Variants in XIRP2 observed in about 807,000 individuals in gnomAD.
XIRP2 encodes the protein xin actin binding repeat containing 2.
A neutral mutation model predicts 277.0 loss-of-function variants in XIRP2; 236 were observed. The observed-to-expected ratio is 0.85, with a 90% CI of 0.77 to 0.95. The LOEUF (loss-of-function observed/expected upper bound fraction) is 0.95, where lower values mean the gene tolerates loss of function less well. Ranked by LOEUF, XIRP2 falls within the 40% of genes least tolerant of loss-of-function variation. The probability of loss-of-function intolerance (pLI) is 0.00; values close to 1 mark genes in which losing one functional copy is unlikely to be tolerated. For synonymous variants in XIRP2, 1,490 were observed against 1,416.5 expected (o/e 1.05, Z -1.17); for missense variants, 4,640 against 4,157.5 (o/e 1.12, Z -3.19).
At position 167,246,215 on chromosome 2, in the gene XIRP2, T is replaced by C; in HGVS notation, c.4823T>C (p.Ile1608Thr). The change falls in exon 9 of 11, where the codon ATA (isoleucine) becomes ACA (threonine). Residue 1608 changes from isoleucine to threonine, a missense_variant. Coordinates refer to ENST00000409195, the MANE Select transcript of XIRP2 (RefSeq NM_152381.6). The part of the protein sequence containing the change: ...EEIIRADLRN[I>T]MVNLLSKRDC... ...ATTATCAGGGCTGATCTCAGAAATA[T>C]AATGGTGAACCTACTTTCCAAAAGG... 1 of 1,613,236 alleles carries C rather than the reference T, an allele frequency of 6.2e-7. No individual in the cohort carries two copies.
chr2:167,248,794 G>T lies in XIRP2; in HGVS notation c.7402G>T (p.Val2468Leu), dbSNP rs540282598. 6.2e-7 allele frequency: 1 copy of T among 1,613,660 alleles called. No individual in the cohort carries two copies. The highest frequency in any genetic ancestry group is 1.1e-5 in the South Asian group (1 of 91,064). Residue 2468 changes from valine to leucine, a missense_variant, in exon 9 of 11, where the codon GTG becomes TTG. Coordinates refer to ENST00000409195, the MANE Select transcript of XIRP2 (RefSeq NM_152381.6). ...CTCAAAGGATCAGAAAAAAGTAATGGTGATGACCAGCAGTGAACACACGGA... is the reference window on the plus strand; with the variant it reads ...CTCAAAGGATCAGAAAAAAGTAATGTTGATGACCAGCAGTGAACACACGGA... ...TTSKDQKKVM[V>L]MTSSEHTETK... is the part of the protein sequence containing the mutation.
intron 5 of XIRP2, among the ~76,000 whole-genome samples, chr2:167,228,277 C>T (rs937622086): frequency 1.3e-5 from 2 of 152,146 alleles, no homozygotes; most frequent in Non-Finnish European, 2.9e-5. Flanking sequence ...AAGTTTCAGT[C>T]ACAGTCCCTT....
chr2:167,213,116 G>T (rs753248177), intron 4 of XIRP2, among the ~76,000 whole-genome samples: 2 of 152,092 alleles, frequency 1.3e-5, no homozygotes, highest in African/African-American at 2.4e-5. Flanking sequence ...ATGGCATTTG[G>T]TTGTATCTAA....
intron 2 of XIRP2, among the ~76,000 whole-genome samples, chr2:167,051,141 A>G (rs142709122): frequency 6.6e-5 from 10 of 152,060 alleles, no homozygotes; most frequent in East Asian, 1.9e-4. Context: ...CCCAATCCAA[A>G]TATCATTTCT....
At chr2:166,928,440 A>G (rs1685244883) in intron 2 of XIRP2, among the ~76,000 whole-genome samples, 1 of 152,062 alleles carries the variant, frequency 6.6e-6, no homozygotes, top group African/African-American at 2.4e-5. Flanking sequence ...TTTTCATTGA[A>G]CCATTTAATT....
At chr2:166,944,886 A>T (rs1332120028) in intron 2 of XIRP2, among the ~76,000 whole-genome samples, 3 of 152,164 alleles carry the variant, frequency 2.0e-5, no homozygotes, top group African/African-American at 7.2e-5. Flanking sequence ...TATAGAGATC[A>T]TGTACCGAAT....
intron 2 of XIRP2, among the ~76,000 whole-genome samples, chr2:166,943,905 T>C (rs1451719610): frequency 2.0e-5 from 3 of 152,222 alleles, no homozygotes; most frequent in African/African-American, 7.2e-5. Flanking sequence ...TGATTTCATG[T>C]CTGCTTCAAT....
chr2:167,258,093 C>T lies in XIRP2; in HGVS notation c.*276C>T. The T allele has an allele frequency of 1.2e-6, 2 of 1,613,020 alleles. No homozygotes were observed. The highest frequency in any genetic ancestry group is 1.7e-6 in the Non-Finnish European group (2 of 1,179,524). ...GGAGATCGTAATGAACATTTAGATG[C>T]TGGTAACAGTGAAGGGCAAAGGAAT... is the stretch of plus-strand genomic sequence containing the variant. On this transcript the variant is annotated 3_prime_UTR_variant, in exon 11 of 11. Coordinates refer to ENST00000409195, the MANE Select transcript of XIRP2 (RefSeq NM_152381.6).
At chr2:167,127,480 T>C (rs1168128773) in intron 2 of XIRP2, among the ~76,000 whole-genome samples, 4 of 152,198 alleles carry the variant, frequency 2.6e-5, no homozygotes, top group Non-Finnish European at 5.9e-5. Context: ...GTTTCTCCTC[T>C]ACTGCCTTCA....
At chr2:167,166,443 T>A (rs1356395365) in intron 3 of XIRP2, among the ~76,000 whole-genome samples, 1 of 152,212 alleles carries the variant, frequency 6.6e-6, no homozygotes, top group East Asian at 1.9e-4. Context: ...TATTTTTGCA[T>A]AAAGTAGTCT....
chr2:167,069,873 C>T (rs1346591168), intron 2 of XIRP2, among the ~76,000 whole-genome samples: 1 of 152,146 alleles, frequency 6.6e-6, no homozygotes, highest in Non-Finnish European at 1.5e-5. Flanking sequence ...ATATTTCACT[C>T]GGCTTTCTTA....
intron 1 of XIRP2, among the ~76,000 whole-genome samples, chr2:166,896,693 T>C (rs1684252600): frequency 6.6e-6 from 1 of 152,094 alleles, no homozygotes; most frequent in African/African-American, 2.4e-5. Flanking sequence ...CTTTTATAAA[T>C]TTAATGTCAC....
At chr2:167,171,311 T>C (rs1268523345) in intron 3 of XIRP2, among the ~76,000 whole-genome samples, 1 of 152,202 alleles carries the variant, frequency 6.6e-6, no homozygotes, top group African/African-American at 2.4e-5. Context: ...TAAAATTTTA[T>C]TTTAATTGTT....
At chr2:167,103,392 G>C (rs752981749) in intron 2 of XIRP2, among the ~76,000 whole-genome samples, 6 of 152,114 alleles carry the variant, frequency 3.9e-5, no homozygotes, top group Admixed American at 2.0e-4. Context: ...AAAAAAACTT[G>C]CTTTAGTTTT....
At chr2:167,064,365 A>G (rs1394861004) in intron 2 of XIRP2, among the ~76,000 whole-genome samples, 2 of 151,894 alleles carry the variant, frequency 1.3e-5, no homozygotes, top group Non-Finnish European at 2.9e-5. Context: ...TATGCCGCAT[A>G]AGAATTTTAT....
chr2:167,053,228 A>G (rs77710985), intron 2 of XIRP2, among the ~76,000 whole-genome samples: 6,126 of 152,334 alleles, frequency 0.04, 159 homozygotes, highest in African/African-American at 0.073. Context: ...ACAAATCCAT[A>G]TCTTAAATGG....
chr2:167,092,282 C>A (rs1412173476), intron 2 of XIRP2, among the ~76,000 whole-genome samples: 2 of 152,086 alleles, frequency 1.3e-5, no homozygotes, highest in Non-Finnish European at 2.9e-5. Flanking sequence ...TTGCCATATT[C>A]ATTTTTATTT....
chr2:167,239,749 A>G, intron 5 of XIRP2, 106 bp from the exon 6 acceptor site: 1 of 948,868 alleles, frequency 1.1e-6, no homozygotes, highest in Non-Finnish European at 1.6e-6. Context: ...TAATATACTA[A>G]AGAATCTCAT....
intron 7 of XIRP2, among the ~76,000 whole-genome samples, chr2:167,241,421 G>T (rs1405076221): frequency 1.3e-5 from 2 of 152,076 alleles, no homozygotes; most frequent in Non-Finnish European, 2.9e-5. Flanking sequence ...AAAATCCAGA[G>T]ATAACCAACA....
Sources: allele counts gnomAD v4.1 joint callset (sites outside exome capture counted in the v4.1 genomes callset), GRCh38; gene constraint gnomAD v4.1.1; transcripts MANE v1.5; gene names NCBI Gene and HGNC (gene_info 2026-07-23, HGNC 2026-07-21).